WARS2: variants seen among roughly 807,000 people sequenced by gnomAD.
The protein encoded by WARS2 is tryptophanyl tRNA synthetase 2, mitochondrial, also known as tryptophan--tRNA ligase, mitochondrial.
In WARS2, 28 loss-of-function variants were observed where a neutral mutation model predicts 36.5. That is an observed-to-expected ratio of 0.77 (90% CI 0.57 to 1.05). The LOEUF (loss-of-function observed/expected upper bound fraction) is 1.05, where lower values mean the gene tolerates loss of function less well. Ranked by LOEUF, WARS2 falls within the 50% of genes least tolerant of loss-of-function variation. The probability of loss-of-function intolerance (pLI) is 0.00; values close to 1 mark genes in which losing one functional copy is unlikely to be tolerated. For missense variants in WARS2, 435 were observed against 456.8 expected, an observed-to-expected ratio of 0.95 and a Z score of 0.44; for synonymous variants, 174 against 178.4, an observed-to-expected ratio of 0.98 and a Z score of 0.20.
At chr1:119,059,591 C>A (rs540541735) in intron 2 of WARS2, among the ~76,000 whole-genome samples, 1 of 152,278 alleles carries the variant, frequency 6.6e-6, no homozygotes, top group East Asian at 1.9e-4. Flanking sequence ...TAATAAGCTT[C>A]AAAAGGCAGT....
chr1:119,137,436 T>C (rs1656589585), intron 1 of WARS2, among the ~76,000 whole-genome samples: 1 of 152,194 alleles, frequency 6.6e-6, no homozygotes, highest in Non-Finnish European at 1.5e-5. Flanking sequence ...AAACCCAGAC[T>C]AGGAACCGCT....
chr1:119,122,112 A>G (rs1655362504), intron 1 of WARS2, among the ~76,000 whole-genome samples: 1 of 152,242 alleles, frequency 6.6e-6, no homozygotes, highest in Admixed American at 6.5e-5. Context: ...GACAACTCAC[A>G]GTATGGAAGA....
At chr1:119,127,311 A>G in intron 1 of WARS2, 4 of 627,620 alleles carry the variant, frequency 6.4e-6, no homozygotes, top group South Asian at 3.1e-5. Flanking sequence ...CAGAGCCAAA[A>G]ACTGAGATAG....
intron 4 of WARS2, among the ~76,000 whole-genome samples, 181 bp downstream of exon 4, chr1:119,042,083 T>C (rs544118870): frequency 6.6e-6 from 1 of 152,334 alleles, no homozygotes; most frequent in African/African-American, 2.4e-5. Flanking sequence ...ATGTAGTACA[T>C]TATACATGTA....
chr1:119,140,564 G>C lies in WARS2; in HGVS notation c.81C>G (p.Pro27=). ...GGCCGTCTTTGGTTACCTGGAGAGC[G>C]GGAGCAGCTGCGGATCCCTTATGAA... ...RALHKGSAAA[P]ALQKDSKKRV... Residue 27 remains proline, a synonymous_variant, in exon 1 of 6, where the codon CCC becomes CCG. Transcript: ENST00000235521. The C allele has an allele frequency of 1.2e-6, 2 of 1,613,350 alleles. No homozygotes were observed. The highest frequency in any genetic ancestry group is 1.7e-6 in the Non-Finnish European group (2 of 1,179,426).
intron 1 of WARS2, among the ~76,000 whole-genome samples, chr1:119,086,918 T>A (rs1463447897): frequency 6.6e-6 from 1 of 152,088 alleles, no homozygotes; most frequent in Non-Finnish European, 1.5e-5. Context: ...TCTTCCACCA[T>A]CCTAGAATGC....
At chr1:119,126,018 G>A (rs1655629799) in intron 1 of WARS2, among the ~76,000 whole-genome samples, 2 of 152,058 alleles carry the variant, frequency 1.3e-5, no homozygotes, top group Non-Finnish European at 2.9e-5. Context: ...AATTCCCACT[G>A]TATCTTCAAG....
chr1:119,045,194 C>T (rs1295021152), intron 3 of WARS2, among the ~76,000 whole-genome samples: 1 of 152,162 alleles, frequency 6.6e-6, no homozygotes, highest in Non-Finnish European at 1.5e-5. Context: ...TATGTTGTCT[C>T]TTCTCTCCAC....
intron 1 of WARS2, among the ~76,000 whole-genome samples, chr1:119,132,947 C>T (rs1656224858): frequency 1.3e-5 from 2 of 152,150 alleles, no homozygotes; most frequent in Non-Finnish European, 2.9e-5. Context: ...TCTTACTTCC[C>T]ACCTTCTGAC....
chr1:119,101,916 G>A (rs948469414), intron 1 of WARS2, among the ~76,000 whole-genome samples: 1 of 151,956 alleles, frequency 6.6e-6, no homozygotes, highest in Non-Finnish European at 1.5e-5. Flanking sequence ...TTTATCCTAA[G>A]AAAGCCAACA....
At chr1:119,092,266 CA>C (rs1159637781) in intron 1 of WARS2, among the ~76,000 whole-genome samples, 2 of 152,134 alleles carry the variant, frequency 1.3e-5, no homozygotes, top group African/African-American at 4.8e-5. Context: ...AATACGTTAT[CA>C]CAAGGAATTG....
At chr1:119,068,632 C>A (rs1194016279) in intron 2 of WARS2, among the ~76,000 whole-genome samples, 1 of 152,156 alleles carries the variant, frequency 6.6e-6, no homozygotes, top group Non-Finnish European at 1.5e-5. Context: ...TTTTTATCTT[C>A]CATCTGCAGA....
Position 119,106,217 on chromosome 1 carries a change from C to T in WARS2, c.91-29610G>A, listed in dbSNP as rs1033421330. On this transcript the variant is annotated intron_variant, in intron 1 of 5. Coordinates refer to ENST00000235521, the MANE Select transcript of WARS2 (RefSeq NM_015836.4). ...AAAATTGAGCAGAAAATGGAGTTCC[C>T]ATATATCCTGTCCCCACATATATAT... 1.6e-4 allele frequency among the ~76,000 whole-genome samples: 19 copies of T among 119,152 alleles called. No individual in the cohort carries two copies. In the East Asian group the frequency reaches 0.012, roughly 76 times the overall value. 78.2% of individuals were successfully genotyped at this position (119,152 alleles called of 152,430 possible).
At chr1:119,042,148 A>G in intron 4 of WARS2, 116 bp downstream of exon 4, 1 of 824,504 alleles carries the variant, frequency 1.2e-6, no homozygotes. Context: ...ACTGATTCAG[A>G]TGTCTGACGC....
chr1:119,074,541 C>T lies in WARS2; in HGVS notation c.348+1809G>A, dbSNP rs1651577794. On this transcript the variant is annotated intron_variant, in intron 2 of 5. Coordinates refer to ENST00000235521, the MANE Select transcript of WARS2 (RefSeq NM_015836.4). ...AAAGTCATGTGTAAGCAAAGCCTTC[C>T]TGACCAACTATAAGGAATGAAGTTG... is the stretch of plus-strand genomic sequence containing the variant. 2.0e-5 allele frequency among the ~76,000 whole-genome samples: 3 copies of T among 152,178 alleles called. No individual in the cohort carries two copies. The South Asian group carries it at 6.2e-4, about 32-fold the overall frequency.
chr1:119,042,478 A>T, intron 3 of WARS2, 129 bp from the exon 4 acceptor site: 1 of 751,296 alleles, frequency 1.3e-6, no homozygotes, highest in African/African-American at 1.7e-5. Flanking sequence ...AACATTATAC[A>T]TCGGTTCCTT....
At chr1:119,052,796 T>C (rs181277310) in intron 2 of WARS2, among the ~76,000 whole-genome samples, 23 of 152,348 alleles carry the variant, frequency 1.5e-4, no homozygotes, top group African/African-American at 5.1e-4. Context: ...CATGACATAT[T>C]GGTACCTATA....
intron 1 of WARS2, among the ~76,000 whole-genome samples, chr1:119,081,474 C>T (rs1652186199): frequency 6.6e-6 from 1 of 152,218 alleles, no homozygotes; most frequent in Non-Finnish European, 1.5e-5. Flanking sequence ...GTTCATTCAT[C>T]ACACTTGTTT....
At position 119,085,473 on chromosome 1, in the gene WARS2, C is replaced by CA; in HGVS notation, c.91-8867_91-8866insT. 6 of 1,558,884 alleles carry CA rather than the reference C, an allele frequency of 3.8e-6. No homozygotes were observed. In the East Asian group the frequency reaches 1.3e-4, roughly 35 times the overall value. ...CTCTTTTTCTTTTTTTCCTTTTTGT[C>CA]TTTTTTTGCGCTTTTTTGTTGGTTT... On this transcript the variant is annotated intron_variant, in intron 1 of 5. Transcript: ENST00000235521.
Sources: allele counts gnomAD v4.1 joint callset (sites outside exome capture counted in the v4.1 genomes callset), GRCh38; gene constraint gnomAD v4.1.1; transcripts MANE v1.5; gene names NCBI Gene and HGNC (gene_info 2026-07-23, HGNC 2026-07-21).